The following ACLY variants were observed in gnomAD, a reference collection of about 807,000 sequenced individuals.
ACLY encodes ATP-citrate synthase.
In ACLY, 41 loss-of-function variants were observed where a neutral mutation model predicts 133.0. The ratio of observed to expected loss-of-function variants is 0.31; its 90% CI spans 0.24 to 0.40. The LOEUF (loss-of-function observed/expected upper bound fraction) is 0.40. ACLY is among the 10% of genes least tolerant of loss of function. The probability of loss-of-function intolerance (pLI) is 1.00; values close to 1 mark genes in which losing one functional copy is unlikely to be tolerated. For synonymous variants in ACLY, 495 were observed against 549.3 expected, an observed-to-expected ratio of 0.90 and a Z score of 1.38; for missense variants, 1,046 against 1,453.8, an observed-to-expected ratio of 0.72 and a Z score of 4.56.
At chr17:41,898,567 CTGT>C in intron 12 of ACLY, 61 bp downstream of exon 12, 1 of 1,578,382 alleles carries the variant, frequency 6.3e-7, no homozygotes, top group Admixed American at 1.8e-5. Context: ...AGGAAGAAGA[CTGT>C]ATCCTAGTGG....
chr17:41,891,636 A>C, intron 16 of ACLY, among the ~76,000 whole-genome samples: 1 of 149,406 alleles, frequency 6.7e-6, no homozygotes. Flanking sequence ...TCTTGCCTTG[A>C]CCTCCCAAAG....
At chr17:41,904,159 G>T (rs1022060688) in intron 10 of ACLY, among the ~76,000 whole-genome samples, 6 of 132,568 alleles carry the variant, frequency 4.5e-5, no homozygotes, top group Non-Finnish European at 6.4e-5. Flanking sequence ...GAGGGAGGAA[G>T]AGAGGGGAGG....
intron 1 of ACLY, among the ~76,000 whole-genome samples, chr17:41,926,752 G>A (rs1555636018): frequency 6.6e-6 from 1 of 152,162 alleles, no homozygotes; most frequent in Non-Finnish European, 1.5e-5. Context: ...GCCTCCCAAA[G>A]TGCTGGGATT....
At chr17:41,909,228 C>A (rs1555633201) in intron 5 of ACLY, among the ~76,000 whole-genome samples, 160 bp from the exon 6 acceptor site, 1 of 152,114 alleles carries the variant, frequency 6.6e-6, no homozygotes, top group African/African-American at 2.4e-5. Context: ...GCTCCCTGGA[C>A]ATAGCTCTTC....
intron 6 of ACLY, among the ~76,000 whole-genome samples, chr17:41,908,168 G>C (rs2049782845): frequency 6.6e-6 from 1 of 152,202 alleles, no homozygotes. Flanking sequence ...TCCTCAGCTG[G>C]AATGATTTGA....
At chr17:41,869,417 G>A (rs3744780) in intron 26 of ACLY, 57 bp downstream of exon 26, 1,086,396 of 1,420,002 alleles carry the variant, frequency 0.77, 417,391 homozygotes, top group Admixed American at 0.87. Flanking sequence ...CGTGGCTCCT[G>A]TTTCCTCCAA....
intron 23 of ACLY, 23 bp downstream of exon 23, chr17:41,873,788 A>G: frequency 6.5e-7 from 1 of 1,533,626 alleles, no homozygotes; most frequent in Non-Finnish European, 8.8e-7. Context: ...AGGGCCCTGT[A>G]ATCTTCTGCC....
chr17:41,913,934 C>A (rs782315470), intron 1 of ACLY, 38 bp from the exon 2 acceptor site: 1 of 1,597,538 alleles, frequency 6.3e-7, no homozygotes. Flanking sequence ...AGGGGGCAGG[C>A]GTGTGGAGGC....
chr17:41,879,262 C>T (rs1310392093), intron 20 of ACLY, among the ~76,000 whole-genome samples: 1 of 151,902 alleles, frequency 6.6e-6, no homozygotes, highest in East Asian at 1.9e-4. Flanking sequence ...CCTGCCACCA[C>T]GCCCAGCTAA....
chr17:41,901,145 A>C (rs1342713111), intron 11 of ACLY, among the ~76,000 whole-genome samples: 1 of 150,234 alleles, frequency 6.7e-6, no homozygotes, highest in East Asian at 2.0e-4. Flanking sequence ...TTTTTTGTAG[A>C]GGCAGGGTCT....
At chr17:41,909,395 G>GT in intron 5 of ACLY, 115 bp downstream of exon 5, 1 of 1,167,492 alleles carries the variant, frequency 8.6e-7, no homozygotes, top group Non-Finnish European at 1.2e-6. Context: ...GGACAGGGCC[G>GT]TGTCTACCAC....
At chr17:41,921,495 AC>A (rs139043344), upstream of ACLY, among the ~76,000 whole-genome samples, 161 of 148,686 alleles carry the variant, frequency 1.1e-3, 5 homozygotes, top group Non-Finnish European at 1.6e-3. Flanking sequence ...AAAAAAAAAA[AC>A]AAAAAAGAAA....
Position 41,872,087 on chromosome 17 carries a change from C to T in ACLY, c.2738G>A (p.Cys913Tyr). Residue 913 changes from cysteine (C) to tyrosine (Y), a missense_variant, in exon 24 of 29, where the codon TGT becomes TAT. Cys to Tyr is a radical substitution (Grantham distance 194). Coordinates refer to ENST00000352035, the MANE Select transcript of ACLY (RefSeq NM_001096.3). ...AVSGAHNTIICARAGKDLVSS... is the reference protein window; with the variant it reads ...AVSGAHNTIIYARAGKDLVSS... Reference sequence around the variant, plus strand: ...GACCAGGTCTTTCCCAGCTCGCGCACAAATGATGGTGTTGTGGGCTCCAGA... The same window carrying T: ...GACCAGGTCTTTCCCAGCTCGCGCATAAATGATGGTGTTGTGGGCTCCAGA... The T allele has an allele frequency of 6.2e-7, 1 of 1,614,096 alleles. No individual in the cohort carries two copies. The highest frequency in any genetic ancestry group is 8.5e-7 in the Non-Finnish European group (1 of 1,180,006).
intron 1 of ACLY, among the ~76,000 whole-genome samples, chr17:41,916,986 T>C (rs1377099283): frequency 6.6e-6 from 1 of 151,130 alleles, no homozygotes; most frequent in African/African-American, 2.4e-5. Context: ...CTACTAAAAA[T>C]ACAAAAATTA....
At position 41,912,437 on chromosome 17, in the gene ACLY, G is replaced by T; in HGVS notation, c.265C>A (p.Leu89Met). Residue 89 changes from leucine to methionine, a missense_variant, in exon 3 of 29, where the codon CTG becomes ATG. Physicochemically the swap from Leu to Met is conservative, Grantham distance 15. Transcript: ENST00000352035. The stretch of plus-strand genomic sequence containing the variant: ...CCACTCACTGTGGCTTCCTGTCCCA[G>T]CCGTGGCTTCAGCCAGGACTTGACC... ...DGVKSWLKPR[L>M]GQEATVGKAT... is the part of the protein sequence containing the mutation. The T allele has an allele frequency of 6.2e-7, 1 of 1,614,142 alleles. No individual in the cohort carries two copies. The highest frequency in any genetic ancestry group is 8.5e-7 in the Non-Finnish European group (1 of 1,179,994).
At chr17:41,879,736 G>A (rs12936330) in intron 20 of ACLY, among the ~76,000 whole-genome samples, 3 of 122,978 alleles carry the variant, frequency 2.4e-5, no homozygotes, top group East Asian at 2.7e-4. Flanking sequence ...TTTTTTTTTC[G>A]AGACAGGGTC....
At chr17:41,892,078 T>C (rs2049228522) in intron 16 of ACLY, among the ~76,000 whole-genome samples, 1 of 152,142 alleles carries the variant, frequency 6.6e-6, no homozygotes, top group Non-Finnish European at 1.5e-5. Flanking sequence ...TCCTGACTTC[T>C]GAAGATCATG....
chr17:41,871,513 T>C (rs2048596873), intron 25 of ACLY, among the ~76,000 whole-genome samples, 176 bp downstream of exon 25: 1 of 152,000 alleles, frequency 6.6e-6, no homozygotes, highest in Non-Finnish European at 1.5e-5. Context: ...CCACCACGCC[T>C]GGCTAATTTT....
At chr17:41,871,948 C>T in intron 24 of ACLY, 84 bp downstream of exon 24, 2 of 1,595,010 alleles carry the variant, frequency 1.3e-6, no homozygotes, top group Non-Finnish European at 1.7e-6. Flanking sequence ...TCAGGGGCTC[C>T]TTCTAGGGCC....
Sources: allele counts gnomAD v4.1 joint callset (sites outside exome capture counted in the v4.1 genomes callset), GRCh38; gene constraint gnomAD v4.1.1; transcripts MANE v1.5; gene names NCBI Gene and HGNC (gene_info 2026-07-23, HGNC 2026-07-21).